TAFA4: variants seen among roughly 807,000 people sequenced by gnomAD.
TAFA4 encodes chemokine-like protein TAFA-4.
A neutral mutation model predicts 21.1 loss-of-function variants in TAFA4; 20 were observed. The observed-to-expected ratio is 0.95, with a 90% CI of 0.67 to 1.38. The LOEUF (loss-of-function observed/expected upper bound fraction) is 1.38, where lower values mean the gene tolerates loss of function less well. Ranked by LOEUF, TAFA4 falls within the 40% of genes most tolerant of loss-of-function variation. The pLI is 0.00. For synonymous variants in TAFA4, 71 were observed against 67.4 expected (o/e 1.05, Z -0.26); for missense variants, 211 against 180.9 (o/e 1.17, Z -0.95).
chr3:68,900,283 CAATAATAAT>C (rs60973878), intron 1 of TAFA4, among the ~76,000 whole-genome samples: 20 of 120,676 alleles, frequency 1.7e-4, no homozygotes, highest in Middle Eastern at 4.2e-3. Flanking sequence ...ATAATAATAA[CAATAATAAT>C]AATAATAATA....
At chr3:68,744,709 C>G (rs1702422379) in intron 4 of TAFA4, among the ~76,000 whole-genome samples, 1 of 152,062 alleles carries the variant, frequency 6.6e-6, no homozygotes, top group Non-Finnish European at 1.5e-5. Flanking sequence ...CACTATGCCA[C>G]TTCTTAACTA....
At chr3:68,765,303 G>C (rs926099909) in intron 3 of TAFA4, among the ~76,000 whole-genome samples, 2 of 152,044 alleles carry the variant, frequency 1.3e-5, no homozygotes, top group African/African-American at 4.8e-5. Context: ...TTGGTGATAA[G>C]TTTCTACTTG....
At chr3:68,925,976 A>T (rs1473588718) in intron 1 of TAFA4, among the ~76,000 whole-genome samples, 1 of 152,236 alleles carries the variant, frequency 6.6e-6, no homozygotes, top group Non-Finnish European at 1.5e-5. Flanking sequence ...TCATGCCTGT[A>T]ATCCCAGTAC....
rs1160919103 is a variant in TAFA4, at chr3:68,847,285, G to C, written c.130+33445C>G. Among the ~76,000 whole-genome samples the C allele has an allele frequency of 2.0e-5, 3 of 152,212 alleles. No individual in the cohort carries two copies. The East Asian group carries it at 5.8e-4, about 29-fold the overall frequency. On this transcript the variant is annotated intron_variant, in intron 3 of 5. Coordinates refer to ENST00000295569, the MANE Select transcript of TAFA4 (RefSeq NM_182522.5). ...TCTGAGCTGCAGTGGGCTCCGCCCA[G>C]TTTGAACATCCAGGCCACTTTGTTT...
At chr3:68,883,376 T>G (rs1393115621) in intron 2 of TAFA4, among the ~76,000 whole-genome samples, 3 of 152,334 alleles carry the variant, frequency 2.0e-5, no homozygotes, top group African/African-American at 7.2e-5. Flanking sequence ...TCAGTCCCCT[T>G]TTAGGGCTTA....
intron 2 of TAFA4, 137 bp downstream of exon 2, chr3:68,885,038 C>A: frequency 1.3e-6 from 1 of 749,638 alleles, no homozygotes; most frequent in Non-Finnish European, 2.1e-6. Flanking sequence ...ATGAAAAAAT[C>A]AACATTTCCC....
intron 3 of TAFA4, among the ~76,000 whole-genome samples, chr3:68,791,979 T>C (rs1382409402): frequency 1.3e-5 from 2 of 152,186 alleles, no homozygotes; most frequent in Non-Finnish European, 2.9e-5. Flanking sequence ...GGCAGAGATT[T>C]AGATTCTAAA....
chr3:68,829,740 T>C (rs2106876279), intron 3 of TAFA4, among the ~76,000 whole-genome samples: 1 of 152,340 alleles, frequency 6.6e-6, no homozygotes, highest in Non-Finnish European at 1.5e-5. Flanking sequence ...TTTCTATTGA[T>C]TGAAATAGTT....
intron 1 of TAFA4, among the ~76,000 whole-genome samples, chr3:68,914,613 C>T (rs1315820278): frequency 6.6e-6 from 1 of 152,082 alleles, no homozygotes. Context: ...ACATCAAACT[C>T]GTTATTAAGA....
At chr3:68,741,933 T>C (rs1390989043) in intron 4 of TAFA4, among the ~76,000 whole-genome samples, 2 of 151,984 alleles carry the variant, frequency 1.3e-5, no homozygotes, top group Non-Finnish European at 2.9e-5. Flanking sequence ...AAAAAGAAAA[T>C]TATAGGCCAA....
chr3:68,747,000 A>T (rs997252611), intron 4 of TAFA4, among the ~76,000 whole-genome samples: 2 of 152,168 alleles, frequency 1.3e-5, no homozygotes, highest in Admixed American at 1.3e-4. Context: ...CTGTCTTGAG[A>T]CAATGTCAAA....
intron 3 of TAFA4, among the ~76,000 whole-genome samples, chr3:68,824,300 T>G (rs1469570600): frequency 6.6e-6 from 1 of 152,212 alleles, no homozygotes; most frequent in African/African-American, 2.4e-5. Flanking sequence ...AACCTCAAGG[T>G]GTCCACAGGG....
intron 3 of TAFA4, among the ~76,000 whole-genome samples, chr3:68,815,741 T>A (rs1327584568): frequency 6.6e-6 from 1 of 152,200 alleles, no homozygotes. Flanking sequence ...TCAACCATTG[T>A]GGAAGTCAGT....
chr3:68,819,829 G>A (rs2106860387), intron 3 of TAFA4, among the ~76,000 whole-genome samples: 1 of 152,290 alleles, frequency 6.6e-6, no homozygotes, highest in African/African-American at 2.4e-5. Context: ...CTTACACACT[G>A]TTGGTGGGGA....
At chr3:68,815,278 C>T (rs774924530) in intron 3 of TAFA4, among the ~76,000 whole-genome samples, 32 of 151,956 alleles carry the variant, frequency 2.1e-4, no homozygotes, top group Non-Finnish European at 4.3e-4. Flanking sequence ...TCTAAAACAC[C>T]AAAGCAATGG....
chr3:68,885,203 G>T lies in TAFA4; in HGVS notation c.-15C>A. The T allele has an allele frequency of 1.2e-6, 2 of 1,611,786 alleles. No individual in the cohort carries two copies. The highest frequency in any genetic ancestry group is 1.7e-6 in the Non-Finnish European group (2 of 1,178,724). ...GGGGACCTCATAAGATGTGGTTCTAGTCAAACACACTTATTCCAGGATATA... is the reference window on the plus strand; with the variant it reads ...GGGGACCTCATAAGATGTGGTTCTATTCAAACACACTTATTCCAGGATATA... On this transcript the variant is annotated 5_prime_UTR_variant, in exon 2 of 6. Coordinates refer to ENST00000295569, the MANE Select transcript of TAFA4 (RefSeq NM_182522.5).
chr3:68,737,610 G>A (rs1464217465), intron 5 of TAFA4, among the ~76,000 whole-genome samples: 2 of 152,072 alleles, frequency 1.3e-5, no homozygotes, highest in African/African-American at 4.8e-5. Context: ...AAAATGTATT[G>A]TAGAATCATA....
At chr3:68,763,426 T>C (rs1275398638) in intron 3 of TAFA4, among the ~76,000 whole-genome samples, 1 of 152,152 alleles carries the variant, frequency 6.6e-6, no homozygotes, top group Non-Finnish European at 1.5e-5. Context: ...TTTCCTAACT[T>C]TAATATATTT....
intron 3 of TAFA4, among the ~76,000 whole-genome samples, chr3:68,823,645 C>T (rs1343992893): frequency 2.0e-5 from 3 of 152,130 alleles, no homozygotes; most frequent in Admixed American, 1.3e-4. Flanking sequence ...TGTTCCCCTC[C>T]CTGTGTCCAT....
Sources: allele counts gnomAD v4.1 joint callset (sites outside exome capture counted in the v4.1 genomes callset), GRCh38; gene constraint gnomAD v4.1.1; transcripts MANE v1.5; gene names NCBI Gene and HGNC (gene_info 2026-07-23, HGNC 2026-07-21).